The following ACAD10 variants were observed in gnomAD, a reference collection of about 807,000 sequenced individuals.
ACAD10 encodes the protein ACAD-10.
Under a neutral mutation model 116.8 loss-of-function variants are expected in ACAD10, and 112 were observed. The ratio of observed to expected loss-of-function variants is 0.96; its 90% CI spans 0.82 to 1.12. ACAD10 has a LOEUF of 1.12. Ranked by LOEUF, ACAD10 falls within the 50% of genes most tolerant of loss-of-function variation. The pLI is 0.00. For synonymous variants in ACAD10, 486 were observed against 510.6 expected, an observed-to-expected ratio of 0.95 and a Z score of 0.65; for missense variants, 1,259 against 1,350.2, an observed-to-expected ratio of 0.93 and a Z score of 1.06.
intron 12 of ACAD10, among the ~76,000 whole-genome samples, chr12:111,744,376 G>T (rs1370495375): frequency 1.3e-5 from 2 of 152,178 alleles, no homozygotes; most frequent in African/African-American, 4.8e-5. Context: ...ACCTAAGTTG[G>T]ACTCTGGCCC....
chr12:111,756,349 G>C lies in ACAD10; in HGVS notation c.3056G>C (p.Gly1019Ala). The C allele has an allele frequency of 6.2e-7, 1 of 1,607,540 alleles. No individual in the cohort carries two copies. The highest frequency in any genetic ancestry group is 8.5e-7 in the Non-Finnish European group (1 of 1,178,348). ...GTCTGCCAGGCCTTTGGAGCAGCAG[G>C]CCTGAGCAGCGACTACCCACTGGCT... Reference protein sequence around the residue: ...DRAIQAFGAAGLSSDYPLAQF... With the variant: ...DRAIQAFGAAALSSDYPLAQF... The change falls in exon 21 of 21, where the codon GGC (glycine) becomes GCC (alanine). Residue 1019 changes from glycine to alanine, a missense_variant. By Grantham distance (60) the Gly-to-Ala change is moderately conservative. Transcript: ENST00000313698.
At chr12:111,749,382 A>G (rs1890007688) in intron 18 of ACAD10, 37 bp downstream of exon 18, 2 of 1,583,504 alleles carry the variant, frequency 1.3e-6, no homozygotes, top group Admixed American at 1.7e-5. Flanking sequence ...CTGACTCAGA[A>G]CCACCACCTT....
chr12:111,694,472 A>C (rs11066003), intron 2 of ACAD10, among the ~76,000 whole-genome samples: 1 of 152,036 alleles, frequency 6.6e-6, no homozygotes, highest in Non-Finnish European at 1.5e-5. Flanking sequence ...ACTGCACCCC[A>C]GACTGGCACA....
intron 7 of ACAD10, among the ~76,000 whole-genome samples, chr12:111,719,852 C>T (rs905267236): frequency 5.3e-5 from 8 of 152,094 alleles, no homozygotes; most frequent in Non-Finnish European, 8.8e-5. Flanking sequence ...CTCAGCCTCC[C>T]GAGTAGATGG....
At chr12:111,709,741 T>C (rs1417858713) in intron 5 of ACAD10, 57 bp downstream of exon 5, 1 of 1,478,446 alleles carries the variant, frequency 6.8e-7, no homozygotes. Flanking sequence ...ATGCAATGTT[T>C]CTCTGTAATC....
At chr12:111,756,202 T>C in intron 20 of ACAD10, 131 bp from the exon 21 acceptor site, 1 of 1,439,934 alleles carries the variant, frequency 6.9e-7, no homozygotes, top group Non-Finnish European at 9.1e-7. Flanking sequence ...TTAGTGATTG[T>C]ATCACATAGG....
intron 1 of ACAD10, among the ~76,000 whole-genome samples, chr12:111,689,855 A>G (rs1460938696): frequency 1.3e-5 from 2 of 151,872 alleles, no homozygotes; most frequent in Non-Finnish European, 2.9e-5. Context: ...AGCTGGGACT[A>G]CAGGTGCCCA....
intron 1 of ACAD10, chr12:111,688,222 A>G (rs920561216): frequency 6.6e-6 from 1 of 152,226 alleles, no homozygotes; most frequent in Non-Finnish European, 1.5e-5. Flanking sequence ...CAAGTGTGTA[A>G]GTAAATTTCT....
chr12:111,729,475 G>A (rs1049950009), intron 9 of ACAD10, among the ~76,000 whole-genome samples: 1 of 152,062 alleles, frequency 6.6e-6, no homozygotes, highest in African/African-American at 2.4e-5. Flanking sequence ...CTGACCTCCT[G>A]CCTGCGTTGG....
chr12:111,718,434 A>G (rs1399979388), intron 7 of ACAD10, among the ~76,000 whole-genome samples: 5 of 151,956 alleles, frequency 3.3e-5, no homozygotes, highest in Non-Finnish European at 7.4e-5. Context: ...GGATTTATCA[A>G]TTACATTGAT....
At chr12:111,754,343 A>T (rs1890150333) in intron 19 of ACAD10, among the ~76,000 whole-genome samples, 1 of 152,196 alleles carries the variant, frequency 6.6e-6, no homozygotes, top group Non-Finnish European at 1.5e-5. Flanking sequence ...TTTTTGAGAC[A>T]GGGCCTTGCT....
At chr12:111,720,465 C>G (rs1888984501) in intron 7 of ACAD10, among the ~76,000 whole-genome samples, 1 of 152,122 alleles carries the variant, frequency 6.6e-6, no homozygotes, top group African/African-American at 2.4e-5. Context: ...TATTTCGAAG[C>G]TCTGTTGTTT....
intron 2 of ACAD10, among the ~76,000 whole-genome samples, chr12:111,694,138 C>T (rs1888131246): frequency 6.6e-6 from 1 of 152,184 alleles, no homozygotes; most frequent in Admixed American, 6.5e-5. Context: ...TCTATGCCTG[C>T]GTGTCTAGGC....
chr12:111,734,616 T>C (rs1438974375), intron 11 of ACAD10, among the ~76,000 whole-genome samples: 2 of 152,052 alleles, frequency 1.3e-5, no homozygotes, highest in Non-Finnish European at 1.5e-5. Flanking sequence ...AGGGCGAGAC[T>C]CCATCTCAAA....
At position 111,722,612 on chromosome 12, in the gene ACAD10, T is replaced by A. The variant is rs866342102; in HGVS notation, c.1061+873T>A. The stretch of plus-strand genomic sequence containing the variant: ...CTTAACGAGCATGCTGCCTTCAAGC[T>A]TCTGTTTAACAAAGCACATCTTGCA... On this transcript the variant is annotated intron_variant, in intron 8 of 20. Coordinates refer to ENST00000313698, the MANE Select transcript of ACAD10 (RefSeq NM_025247.6). Among the ~76,000 whole-genome samples, 977 of 149,692 alleles carry A rather than the reference T, an allele frequency of 6.5e-3. 12 individuals carry two copies. Among genetic ancestry groups the A allele is most frequent in the African/African-American group, 0.024 (923 of 39,264 alleles).
chr12:111,704,814 A>G (rs561704717), intron 3 of ACAD10, among the ~76,000 whole-genome samples: 50 of 149,328 alleles, frequency 3.3e-4, no homozygotes, highest in African/African-American at 1.2e-3. Context: ...CAGCCTCCCC[A>G]GTAGCTGGGA....
At chr12:111,749,448 G>A in intron 18 of ACAD10, 103 bp downstream of exon 18, 2 of 1,399,354 alleles carry the variant, frequency 1.4e-6, no homozygotes, top group Non-Finnish European at 1.9e-6. Context: ...GTCCTAGCAG[G>A]TGAAGCAAGG....
At chr12:111,744,531 G>T in intron 12 of ACAD10, 112 bp from the exon 13 acceptor site, 1 of 1,334,520 alleles carries the variant, frequency 7.5e-7, no homozygotes. Context: ...TTGGTACTTA[G>T]CAAGTGCTCA....
chr12:111,721,599 A>G (rs1478943063), intron 7 of ACAD10, 72 bp from the exon 8 acceptor site: 13 of 1,386,824 alleles, frequency 9.4e-6, no homozygotes, highest in Non-Finnish European at 1.3e-5. Context: ...AACAAAAAAC[A>G]AAGAAAAGTA....
Sources: gnomAD v4.1 joint callset for allele counts (sites outside exome capture counted in the v4.1 genomes callset) on GRCh38, gnomAD v4.1.1 for gene constraint, MANE v1.5 for transcripts, NCBI Gene and HGNC (gene_info 2026-07-23, HGNC 2026-07-21) for gene names.